Variants in PAK1 observed in about 807,000 individuals in gnomAD.
PAK1 encodes p21 (RAC1) activated kinase 1.
A neutral mutation model predicts 67.4 loss-of-function variants in PAK1; 29 were observed. That is an observed-to-expected ratio of 0.43 (90% CI 0.32 to 0.59). PAK1 has a LOEUF of 0.59. Among genes scored for constraint, PAK1 ranks in the 20% least tolerant of loss-of-function variants. PAK1 has a pLI of 0.07. For synonymous variants in PAK1, 223 were observed against 237.4 expected (o/e 0.94, Z 0.56); for missense variants, 337 against 670.7 (o/e 0.50, Z 5.50).
intron 4 of PAK1, among the ~76,000 whole-genome samples, chr11:77,376,553 A>C (rs1469176770): frequency 6.6e-6 from 1 of 152,110 alleles, no homozygotes; most frequent in East Asian, 1.9e-4. Flanking sequence ...CCTGGCCAAT[A>C]TGGTGAAACC....
At chr11:77,451,272 G>A (rs1956839283) in intron 1 of PAK1, among the ~76,000 whole-genome samples, 1 of 152,186 alleles carries the variant, frequency 6.6e-6, no homozygotes, top group Non-Finnish European at 1.5e-5. Context: ...CCCTGAAGCA[G>A]GTAATCAGAT....
the PAK1 span, among the ~76,000 whole-genome samples, chr11:77,481,757 T>C: frequency 1.3e-5 from 2 of 152,090 alleles, no homozygotes; most frequent in African/African-American, 4.8e-5. Flanking sequence ...GTTTTTGGAT[T>C]TGTATAGGTG....
intron 1 of PAK1, among the ~76,000 whole-genome samples, chr11:77,468,291 TCAA>T (rs1957692059): frequency 1.3e-5 from 2 of 152,150 alleles, no homozygotes; most frequent in Non-Finnish European, 2.9e-5. Context: ...CTACAGTCAA[TCAA>T]TACCACGAAA....
chr11:77,423,402 T>TAC (rs5792767), intron 1 of PAK1, among the ~76,000 whole-genome samples: 35,293 of 136,798 alleles, frequency 0.26, 4,692 homozygotes, highest in Middle Eastern at 0.36. Flanking sequence ...TGCTTTCAAA[T>TAC]ACACACACAC....
chr11:77,416,867 G>A (rs1371621903), intron 1 of PAK1, among the ~76,000 whole-genome samples: 1 of 152,052 alleles, frequency 6.6e-6, no homozygotes, highest in East Asian at 1.9e-4. Context: ...GCAGGAGAAT[G>A]GTGTGAAACC....
intron 14 of PAK1, among the ~76,000 whole-genome samples, chr11:77,326,317 G>C (rs1289017659): frequency 6.6e-6 from 1 of 152,162 alleles, no homozygotes; most frequent in African/African-American, 2.4e-5. Flanking sequence ...TCAATAAGTA[G>C]AGTATCATTG....
intron 1 of PAK1, among the ~76,000 whole-genome samples, chr11:77,393,285 AAGAGAG>A (rs35216521): frequency 1.2e-3 from 164 of 141,828 alleles, no homozygotes; most frequent in African/African-American, 3.2e-3. Flanking sequence ...TAAAAAAAAA[AAGAGAG>A]AGAGAGAGAG....
intron 1 of PAK1, among the ~76,000 whole-genome samples, chr11:77,428,029 A>G (rs1012553748): frequency 1.3e-5 from 2 of 152,220 alleles, no homozygotes; most frequent in African/African-American, 4.8e-5. Flanking sequence ...TGCACAGTAT[A>G]CCAAGGAACT....
chr11:77,450,946 C>G (rs1956825826), intron 1 of PAK1, among the ~76,000 whole-genome samples: 1 of 148,488 alleles, frequency 6.7e-6, no homozygotes, highest in African/African-American at 2.6e-5. Flanking sequence ...GAATGGAAAT[C>G]TGACTAACAG....
intron 5 of PAK1, among the ~76,000 whole-genome samples, chr11:77,371,967 A>G (rs1020860720): frequency 5.3e-5 from 8 of 152,224 alleles, no homozygotes; most frequent in African/African-American, 1.9e-4. Flanking sequence ...GCCACAGTGA[A>G]AAGAACCCTA....
chr11:77,492,138 A>T, the PAK1 span, among the ~76,000 whole-genome samples: 5 of 152,168 alleles, frequency 3.3e-5, no homozygotes, highest in African/African-American at 1.2e-4. Context: ...GGTTCTGCAG[A>T]TACAGAGATG....
the PAK1 span, among the ~76,000 whole-genome samples, chr11:77,524,007 G>C: frequency 6.6e-6 from 1 of 152,134 alleles, no homozygotes; most frequent in Non-Finnish European, 1.5e-5. Flanking sequence ...TACAGCAATA[G>C]AGAGACACAG....
chr11:77,401,987 G>C (rs746466970), intron 1 of PAK1, among the ~76,000 whole-genome samples: 1 of 152,104 alleles, frequency 6.6e-6, no homozygotes, highest in Non-Finnish European at 1.5e-5. Context: ...AGGCAGCCTG[G>C]GTTAGCAGAA....
intron 6 of PAK1, among the ~76,000 whole-genome samples, chr11:77,357,704 T>G (rs1432211958): frequency 1.3e-5 from 2 of 152,130 alleles, no homozygotes; most frequent in Admixed American, 6.6e-5. Flanking sequence ...CTCAGCTGCT[T>G]CTTCTATAAA....
At chr11:77,337,249 T>C (rs1942855563) in intron 12 of PAK1, 75 bp downstream of exon 12, 5 of 693,566 alleles carry the variant, frequency 7.2e-6, no homozygotes, top group Non-Finnish European at 1.3e-5. Context: ...TAGTTACTAT[T>C]ATATGATGAC....
At chr11:77,471,126 A>G (rs575355101) in intron 1 of PAK1, among the ~76,000 whole-genome samples, 28 of 152,206 alleles carry the variant, frequency 1.8e-4, no homozygotes, top group Non-Finnish European at 4.0e-4. Context: ...AGGCACTAGG[A>G]TTAAAGCAAT....
chr11:77,415,865 A>T (rs747185994), intron 1 of PAK1, among the ~76,000 whole-genome samples: 2 of 152,024 alleles, frequency 1.3e-5, no homozygotes, highest in Non-Finnish European at 2.9e-5. Context: ...TTAATTTTTT[A>T]AAAACATTTT....
At chr11:77,512,481 G>T in the PAK1 span, among the ~76,000 whole-genome samples, 1 of 152,188 alleles carries the variant, frequency 6.6e-6, no homozygotes, top group Middle Eastern at 3.2e-3. Flanking sequence ...CAGGCCAGGA[G>T]TGGGGATGGG....
intron 1 of PAK1, among the ~76,000 whole-genome samples, chr11:77,472,414 G>A (rs139083974): frequency 6.6e-6 from 1 of 152,340 alleles, no homozygotes; most frequent in East Asian, 1.9e-4. Context: ...GAAGAAATCA[G>A]CTCTGTCTGT....
Sources: gnomAD v4.1 joint callset for allele counts (sites outside exome capture counted in the v4.1 genomes callset) on GRCh38, gnomAD v4.1.1 for gene constraint, MANE v1.5 for transcripts, NCBI Gene and HGNC (gene_info 2026-07-23, HGNC 2026-07-21) for gene names.